Variants in CCSER2 observed in about 807,000 individuals in gnomAD.
The protein encoded by CCSER2 is serine-rich coiled-coil domain-containing protein 2.
Under a neutral mutation model 92.3 loss-of-function variants are expected in CCSER2, and 46 were observed. That is an observed-to-expected ratio of 0.50 (90% confidence interval 0.39 to 0.64). The LOEUF is 0.64. Ranked by LOEUF, CCSER2 falls within the 30% of genes least tolerant of loss-of-function variation. CCSER2 has a pLI of 0.00. For missense variants in CCSER2, 1,244 were observed against 1,238.9 expected, an observed-to-expected ratio of 1.00 and a Z score of -0.06; for synonymous variants, 433 against 431.4, an observed-to-expected ratio of 1.00 and a Z score of -0.04.
Position 84,516,009 on chromosome 10 carries a change from G to GAGAA in CCSER2, c.*1743_*1746dup, listed in dbSNP as rs1440330726. 1 of 152,136 alleles carries GAGAA rather than the reference G, an allele frequency of 6.6e-6. No individual in the cohort carries two copies. The allele number at this position is 152,136 out of a possible 1,614,324, so 9.4% of individuals were successfully genotyped here. A position where few individuals can be genotyped will look rare whatever the true frequency, so the allele number is the denominator to read the frequency against. Reference sequence around the variant, plus strand: ...TCTTTCAGATAGATAACCTTACAAGGAGAATGTTTGTTTTGAGCAGCTGAC... The same window carrying GAGAA: ...TCTTTCAGATAGATAACCTTACAAGGAGAAAGAATGTTTGTTTTGAGCAGCTGAC... On this transcript the variant is annotated 3_prime_UTR_variant, in exon 10 of 10. Coordinates refer to ENST00000372088, the MANE Select transcript of CCSER2 (RefSeq NM_001284240.2).
At chr10:84,363,696 C>T (rs1263052357) in intron 1 of CCSER2, among the ~76,000 whole-genome samples, 1 of 152,192 alleles carries the variant, frequency 6.6e-6, no homozygotes. Context: ...TGCTAAATTT[C>T]TGTAATTAAT....
At chr10:84,351,848 A>G (rs1346632769) in intron 1 of CCSER2, among the ~76,000 whole-genome samples, 1 of 152,230 alleles carries the variant, frequency 6.6e-6, no homozygotes, top group Non-Finnish European at 1.5e-5. Context: ...CATTATAATA[A>G]TAGCCACATT....
intron 3 of CCSER2, among the ~76,000 whole-genome samples, chr10:84,400,479 T>TC (rs1467143461): frequency 1.3e-5 from 2 of 152,170 alleles, no homozygotes; most frequent in Admixed American, 6.5e-5. Flanking sequence ...CCTCTTTTGT[T>TC]TTTTTCCTGA....
chr10:84,438,573 T>C lies in CCSER2; in HGVS notation c.1930T>C (p.Phe644Leu). The change falls in exon 6 of 10, where the codon TTC (phenylalanine) becomes CTC (leucine). Residue 644 changes from phenylalanine to leucine, a missense_variant. By Grantham distance (22) the Phe-to-Leu change is conservative. Transcript: ENST00000372088. ...TGAAAGCTATGGAGGGATGCCCTTT[T>C]TCCAGGCTCAGAAGATGTTTGTTGA... ...HFESYGGMPF[F>L]QAQKMFVDVP... is the part of the protein sequence containing the mutation. 4 of 1,613,826 alleles carry C rather than the reference T, an allele frequency of 2.5e-6. No individual in the cohort carries two copies. The highest frequency in any genetic ancestry group is 3.4e-6 in the Non-Finnish European group (4 of 1,179,752).
intron 1 of CCSER2, among the ~76,000 whole-genome samples, chr10:84,345,552 A>T (rs1020966980): frequency 6.6e-6 from 1 of 151,984 alleles, no homozygotes; most frequent in African/African-American, 2.4e-5. Context: ...GTGGCATTTG[A>T]AAAACTGCCC....
At position 84,479,702 on chromosome 10, in the gene CCSER2, C is replaced by T. The variant is rs572283384; in HGVS notation, c.2325+2038C>T. 7.2e-4 allele frequency among the ~76,000 whole-genome samples: 109 copies of T among 152,314 alleles called. 1 individual carries two copies. The highest frequency in any genetic ancestry group is 2.5e-3 in the African/African-American group (105 of 41,574). ...CCCTCAAGATGCTTGTAGAAACCTC[C>T]AGTGTGCTTAAATGATAGTAAGCTC... is the stretch of plus-strand genomic sequence containing the variant. On this transcript the variant is annotated intron_variant, in intron 9 of 9. Coordinates refer to ENST00000372088, the MANE Select transcript of CCSER2 (RefSeq NM_001284240.2).
rs139000716 is a variant in CCSER2 at position 84,425,672 on chromosome 10, G to T, written c.1706-59G>T. ...ACAGCATTTAATTATCAAGCTATAA[G>T]AGTCAACTTTTATGGAGTATGTACA... On this transcript the variant is annotated intron_variant, in intron 4 of 9. Transcript: ENST00000372088. The T allele has an allele frequency of 1.5e-4, 178 of 1,170,712 alleles. No homozygotes were observed. The East Asian group carries it at 4.6e-3, about 30-fold the overall frequency. 72.5% of individuals were successfully genotyped at this position (1,170,712 alleles called of 1,614,324 possible).
rs199535010 is a variant in CCSER2 at position 84,364,741 on chromosome 10, T to TTTTG, written c.-39-6270_-39-6269insGTTT. Among the ~76,000 whole-genome samples, 1,243 of 142,928 alleles carry TTTTG rather than the reference T, an allele frequency of 8.7e-3. 12 individuals carry two copies. Among genetic ancestry groups the TTTTG allele is most frequent in the Non-Finnish European group, 0.013 (856 of 64,968 alleles). The allele number at this position is 142,928 out of a possible 152,430, so 93.8% of individuals were successfully genotyped here. On this transcript the variant is annotated intron_variant, in intron 1 of 9. Transcript: ENST00000372088. Reference sequence around the variant, plus strand: ...GCATTTATAAGTATTTTTGAATTTTTTTTTGTTTTTTTTTTTTTGAGATGG... The same window carrying TTTTG: ...GCATTTATAAGTATTTTTGAATTTTTTTTGTTTTGTTTTTTTTTTTTTGAGATGG...
intron 3 of CCSER2, among the ~76,000 whole-genome samples, chr10:84,409,627 T>G (rs993959760): frequency 6.6e-6 from 1 of 152,152 alleles, no homozygotes; most frequent in Admixed American, 6.5e-5. Flanking sequence ...CACAGAACTA[T>G]GTTCAAATGG....
At chr10:84,436,960 G>T (rs945446865) in intron 5 of CCSER2, among the ~76,000 whole-genome samples, 2 of 152,118 alleles carry the variant, frequency 1.3e-5, no homozygotes, top group Non-Finnish European at 2.9e-5. Flanking sequence ...AATTTAATGC[G>T]TTGGAATTTT....
Position 84,373,756 on chromosome 10 carries a change from G to C in CCSER2, c.1555G>C (p.Glu519Gln). 5 of 1,613,698 alleles carry C rather than the reference G, an allele frequency of 3.1e-6. No homozygotes were observed. Among genetic ancestry groups the C allele is most frequent in the Non-Finnish European group, 4.2e-6 (5 of 1,179,738 alleles). Residue 519 changes from glutamate to glutamine, a missense_variant, in exon 3 of 10, where the codon GAA (glutamate) becomes CAA (glutamine). Glu to Gln is a conservative substitution (Grantham distance 29). Transcript: ENST00000372088. Reference protein sequence around the residue: ...GTYMWDEEGLEPIGNVHPVGS... With the variant: ...GTYMWDEEGLQPIGNVHPVGS... ...ATACATGTGGGATGAAGAAGGCTTG[G>C]AACCCATTGGAAATGTCCATCCAGT...
chr10:84,421,728 A>G (rs184476872), intron 4 of CCSER2, among the ~76,000 whole-genome samples: 17 of 152,278 alleles, frequency 1.1e-4, no homozygotes, highest in Non-Finnish European at 1.5e-4. Context: ...CCTATAACAA[A>G]AGACAGGTTA....
At chr10:84,477,842 G>C in intron 9 of CCSER2, among the ~76,000 whole-genome samples, 178 bp downstream of exon 9, 1 of 152,028 alleles carries the variant, frequency 6.6e-6, no homozygotes. Context: ...AGCTTCTCTT[G>C]TGTGTCTTAT....
intron 6 of CCSER2, chr10:84,456,186 T>G (rs1308204794): frequency 4.2e-6 from 1 of 239,230 alleles, no homozygotes; most frequent in Non-Finnish European, 8.4e-6. Context: ...TTTATGAGCT[T>G]TAATTGACAA....
At chr10:84,337,161 C>A (rs1355339138) in intron 1 of CCSER2, among the ~76,000 whole-genome samples, 10 of 152,156 alleles carry the variant, frequency 6.6e-5, no homozygotes, top group Admixed American at 6.5e-4. Context: ...CAGTTATTAG[C>A]AGAGAGATAG....
At chr10:84,441,734 ATGTTTTTTTTTTTTTTTT>A (rs1844558721) in intron 6 of CCSER2, among the ~76,000 whole-genome samples, 3 of 106,410 alleles carry the variant, frequency 2.8e-5, no homozygotes, top group Admixed American at 1.1e-4. Context: ...GACTGGGAAA[ATGTTTTTTTTTTTTTTTT>A]TTTTTTTTTT....
chr10:84,396,311 T>C (rs1841834866), intron 3 of CCSER2, among the ~76,000 whole-genome samples: 1 of 150,708 alleles, frequency 6.6e-6, no homozygotes, highest in African/African-American at 2.4e-5. Flanking sequence ...TATACTATAT[T>C]ATATACACAC....
At chr10:84,490,851 T>A (rs1848118105) in intron 9 of CCSER2, among the ~76,000 whole-genome samples, 1 of 152,226 alleles carries the variant, frequency 6.6e-6, no homozygotes, top group African/African-American at 2.4e-5. Flanking sequence ...CTGCTCTGTT[T>A]TTTCCCCATC....
rs1170754429 is a variant in CCSER2, at chr10:84,513,878, T to A, written c.2755T>A (p.Ser919Thr). The A allele has an allele frequency of 6.5e-7, 1 of 1,536,284 alleles. No individual in the cohort carries two copies. The highest frequency in any genetic ancestry group is 8.7e-7 in the Non-Finnish European group (1 of 1,146,974). The part of the protein sequence containing the change: ...PPVGYMSQPK[S>T]LQLLKPSILS... Reference sequence around the variant, plus strand: ...AGTGGGTTATATGTCTCAGCCCAAGTCCTTGCAGCTTTTAAAGCCATCCAT... The same window carrying A: ...AGTGGGTTATATGTCTCAGCCCAAGACCTTGCAGCTTTTAAAGCCATCCAT... The change falls in exon 10 of 10, where the codon TCC becomes ACC. Residue 919 changes from serine to threonine, a missense_variant. By Grantham distance (58) the Ser-to-Thr change is moderately conservative. Coordinates refer to ENST00000372088, the MANE Select transcript of CCSER2 (RefSeq NM_001284240.2).
Sources: gnomAD v4.1 joint callset for allele counts (sites outside exome capture counted in the v4.1 genomes callset) on GRCh38, gnomAD v4.1.1 for gene constraint, MANE v1.5 for transcripts, NCBI Gene and HGNC (gene_info 2026-07-23, HGNC 2026-07-21) for gene names.